The following DPYD variants were observed in gnomAD, a reference collection of about 807,000 sequenced individuals.
The protein encoded by DPYD is dihydropyrimidine dehydrogenase, also known as dihydropyrimidine dehydrogenase [NADP(+)].
DPYD carries 109 observed loss-of-function variants against 116.2 expected under a neutral mutation model. The observed-to-expected ratio is 0.94, with a 90% CI of 0.80 to 1.10. The LOEUF (loss-of-function observed/expected upper bound fraction) is 1.10, where lower values mean the gene tolerates loss of function less well. Ranked by LOEUF, DPYD falls within the 50% of genes least tolerant of loss-of-function variation. The pLI is 0.00. For missense variants in DPYD, 1,302 were observed against 1,254.5 expected, an observed-to-expected ratio of 1.04 and a Z score of -0.57; for synonymous variants, 440 against 432.0, an observed-to-expected ratio of 1.02 and a Z score of -0.23.
At chr1:97,540,900 C>A (rs758167848) in intron 12 of DPYD, among the ~76,000 whole-genome samples, 3 of 152,064 alleles carry the variant, frequency 2.0e-5, no homozygotes, top group Non-Finnish European at 2.9e-5. Context: ...GAGTTGTATG[C>A]CAGGAAACAG....
At chr1:97,822,259 G>T (rs994537231) in intron 3 of DPYD, among the ~76,000 whole-genome samples, 1 of 147,496 alleles carries the variant, frequency 6.8e-6, no homozygotes. Flanking sequence ...CACACACACA[G>T]ATTTATTTTA....
chr1:97,257,096 GA>G (rs1428228636), intron 18 of DPYD, among the ~76,000 whole-genome samples: 5 of 151,776 alleles, frequency 3.3e-5, no homozygotes, highest in Admixed American at 6.6e-5. Flanking sequence ...ACAATGGAAA[GA>G]AAAATTCTGA....
chr1:97,903,639 C>G (rs1673471852), intron 1 of DPYD, among the ~76,000 whole-genome samples: 1 of 151,880 alleles, frequency 6.6e-6, no homozygotes, highest in Admixed American at 6.6e-5. Context: ...GAAAATCTTT[C>G]TTGATACTGT....
At chr1:97,238,987 G>A (rs912374380) in intron 18 of DPYD, among the ~76,000 whole-genome samples, 1 of 152,092 alleles carries the variant, frequency 6.6e-6, no homozygotes, top group African/African-American at 2.4e-5. Flanking sequence ...CTGCAGGTTC[G>A]AACAAACAAA....
At chr1:97,861,202 A>C (rs1028631819) in intron 2 of DPYD, among the ~76,000 whole-genome samples, 1 of 152,054 alleles carries the variant, frequency 6.6e-6, no homozygotes, top group Non-Finnish European at 1.5e-5. Context: ...CAATACATGG[A>C]TAGTGGATAT....
intron 14 of DPYD, among the ~76,000 whole-genome samples, chr1:97,448,498 A>AT (rs1676214907): frequency 6.6e-6 from 1 of 152,194 alleles, no homozygotes; most frequent in African/African-American, 2.4e-5. Flanking sequence ...AGTGAGTGTT[A>AT]TATCAGTGCT....
At chr1:97,683,531 A>C (rs1660545087) in intron 7 of DPYD, among the ~76,000 whole-genome samples, 1 of 151,938 alleles carries the variant, frequency 6.6e-6, no homozygotes, top group Admixed American at 6.6e-5. Flanking sequence ...TTAAATATGC[A>C]AAAATGCAAT....
At chr1:97,881,369 G>T (rs140819252) in intron 2 of DPYD, among the ~76,000 whole-genome samples, 5 of 151,980 alleles carry the variant, frequency 3.3e-5, no homozygotes, top group Admixed American at 6.6e-5. Context: ...CTAACCTCCA[G>T]AACTGTGAGA....
chr1:97,116,701 T>C (rs1570482736), intron 20 of DPYD, among the ~76,000 whole-genome samples: 1 of 152,044 alleles, frequency 6.6e-6, no homozygotes, highest in South Asian at 2.1e-4. Context: ...AAGATACAAA[T>C]ATATAAATAT....
intron 20 of DPYD, among the ~76,000 whole-genome samples, chr1:97,123,252 A>G (rs879377789): frequency 2.0e-5 from 3 of 152,164 alleles, no homozygotes; most frequent in Non-Finnish European, 4.4e-5. Flanking sequence ...TATGTCGGTC[A>G]GTACTAAGAT....
intron 8 of DPYD, among the ~76,000 whole-genome samples, chr1:97,607,403 T>G (rs936483511): frequency 5.3e-5 from 8 of 151,890 alleles, no homozygotes; most frequent in African/African-American, 9.7e-5. Context: ...AGGGGCAGAT[T>G]CTAAGGGAAG....
intron 18 of DPYD, among the ~76,000 whole-genome samples, chr1:97,236,320 G>A (rs1217974864): frequency 6.6e-6 from 1 of 151,928 alleles, no homozygotes; most frequent in Non-Finnish European, 1.5e-5. Context: ...ATATCAATAT[G>A]TATTTACTGG....
At chr1:97,307,605 C>T (rs1162875774) in intron 16 of DPYD, among the ~76,000 whole-genome samples, 5 of 151,812 alleles carry the variant, frequency 3.3e-5, no homozygotes, top group Non-Finnish European at 7.4e-5. Flanking sequence ...AAAAAGAAGT[C>T]TTTGGCTTGG....
intron 8 of DPYD, among the ~76,000 whole-genome samples, chr1:97,612,543 T>A (rs1656009883): frequency 6.6e-6 from 1 of 152,020 alleles, no homozygotes; most frequent in African/African-American, 2.4e-5. Context: ...ATTATTAACA[T>A]ATAGAAACAT....
chr1:97,712,557 T>C (rs1313037089), intron 5 of DPYD, among the ~76,000 whole-genome samples: 1 of 152,138 alleles, frequency 6.6e-6, no homozygotes, highest in Non-Finnish European at 1.5e-5. Context: ...ACTAATAGAT[T>C]ATCTTTCCTA....
chr1:97,800,502 C>A (rs2101328611), intron 3 of DPYD, among the ~76,000 whole-genome samples: 1 of 152,030 alleles, frequency 6.6e-6, no homozygotes, highest in Non-Finnish European at 1.5e-5. Context: ...AACTTAACTT[C>A]TTTGGTCAAA....
intron 2 of DPYD, among the ~76,000 whole-genome samples, chr1:97,838,984 T>C (rs1460807398): frequency 6.6e-6 from 1 of 152,224 alleles, no homozygotes. Context: ...AATCCGTGAT[T>C]TCCGCAGATC....
chr1:97,358,107 G>C (rs560155484), intron 16 of DPYD, among the ~76,000 whole-genome samples: 1 of 152,316 alleles, frequency 6.6e-6, no homozygotes, highest in South Asian at 2.1e-4. Flanking sequence ...CAAATACTGT[G>C]CTTTTCCAAT....
intron 5 of DPYD, among the ~76,000 whole-genome samples, chr1:97,705,498 G>C (rs867429860): frequency 2.0e-4 from 30 of 152,030 alleles, no homozygotes; most frequent in Admixed American, 5.9e-4. Flanking sequence ...ATTCCATGGT[G>C]TATATGTGCC....
Sources: allele counts gnomAD v4.1 joint callset (sites outside exome capture counted in the v4.1 genomes callset), GRCh38; gene constraint gnomAD v4.1.1; transcripts MANE v1.5; gene names NCBI Gene and HGNC (gene_info 2026-07-23, HGNC 2026-07-21).